VAC14: variants seen among roughly 807,000 people sequenced by gnomAD.
VAC14 encodes the protein VAC14 component of PIKFYVE complex.
In VAC14, 47 loss-of-function variants were observed where a neutral mutation model predicts 85.3. The ratio of observed to expected loss-of-function variants is 0.55; its 90% CI spans 0.44 to 0.70. VAC14 has a LOEUF of 0.70. VAC14 is among the 30% of genes least tolerant of loss of function. The pLI is 0.00. For synonymous variants in VAC14, 447 were observed against 430.5 expected, an observed-to-expected ratio of 1.04 and a Z score of -0.47; for missense variants, 861 against 1,004.3, an observed-to-expected ratio of 0.86 and a Z score of 1.93.
chr16:70,745,251 GC>G (rs1286721763), intron 12 of VAC14, among the ~76,000 whole-genome samples: 3 of 152,232 alleles, frequency 2.0e-5, no homozygotes, highest in East Asian at 3.9e-4. Flanking sequence ...CGAGACAGAG[GC>G]AGAGTGGGGC....
rs1380754185 is a variant in VAC14 at position 70,697,173 on chromosome 16, T to C, written c.1921A>G (p.Asn641Asp). The C allele has an allele frequency of 6.2e-7, 1 of 1,613,922 alleles. No individual in the cohort carries two copies. Among genetic ancestry groups the C allele is most frequent in the Non-Finnish European group, 8.5e-7 (1 of 1,179,928 alleles). The change falls in exon 16 of 19, where the codon AAC becomes GAC. Residue 641 changes from asparagine (N) to aspartate (D), a missense_variant. Asn to Asp is a conservative substitution (Grantham distance 23). Transcript: ENST00000261776. The stretch of plus-strand genomic sequence containing the variant: ...ATGAGGTCATAGGCGTGCCGGTAGT[T>C]CTGGGTGAGGAAGCAGAGGGACACC... ...TTVSLCFLTQ[N>D]YRHAYDLIQK... is the part of the protein sequence containing the mutation.
At position 70,784,776 on chromosome 16, in the gene VAC14, C is replaced by T; in HGVS notation, c.486G>A (p.Lys162=). The T allele has an allele frequency of 6.2e-7, 1 of 1,613,962 alleles. No individual in the cohort carries two copies. The highest frequency in any genetic ancestry group is 8.5e-7 in the Non-Finnish European group (1 of 1,179,968). ...AAAAGTGGGGACAAAGTACAAATAC[C>T]TTTAAAAGGCGGTCTAGGAGCTCAG... The part of the protein sequence containing the change: ...SGSELLDRLL[K]DIVTESNKFD... The change falls in exon 4 of 19, where the codon AAG becomes AAA. Residue 162 remains lysine, a splice_region_variant and synonymous_variant. Transcript: ENST00000261776.
At chr16:70,700,553 AAGCCATGTAAGGCTAGTGTGTGGAACT>A (rs1311993236) in intron 14 of VAC14, among the ~76,000 whole-genome samples, 3 of 152,314 alleles carry the variant, frequency 2.0e-5, no homozygotes, top group East Asian at 3.9e-4. Flanking sequence ...GACGAGGAAC[AAGCCATGTAAGGCTAGTGTGTGGAACT>A]AGCCATGTAA....
chr16:70,739,535 C>T lies in VAC14; in HGVS notation c.1528+4888G>A, dbSNP rs570208884. Reference sequence around the variant, plus strand: ...TGGCTGTGGAAGCTTCCAGTGCTGGCGCAGGTGGGATTCCTGAGTGGGGTG... The same window carrying T: ...TGGCTGTGGAAGCTTCCAGTGCTGGTGCAGGTGGGATTCCTGAGTGGGGTG... On this transcript the variant is annotated intron_variant, in intron 13 of 18. Coordinates refer to ENST00000261776, the MANE Select transcript of VAC14 (RefSeq NM_018052.5). Among the ~76,000 whole-genome samples, 15 of 152,302 alleles carry T rather than the reference C, an allele frequency of 9.8e-5. 1 individual carries two copies. The highest frequency in any genetic ancestry group is 2.4e-4 in the African/African-American group (10 of 41,554).
chr16:70,766,674 C>A (rs573553188), intron 10 of VAC14: 5 of 344,156 alleles, frequency 1.5e-5, no homozygotes, highest in Non-Finnish European at 2.9e-5. Flanking sequence ...AGACACTCTC[C>A]CTGGGCTTTT....
At chr16:70,731,244 T>C (rs2290614) in intron 14 of VAC14, 174,053 of 1,224,584 alleles carry the variant, frequency 0.14, 12,946 homozygotes, top group Non-Finnish European at 0.15. Flanking sequence ...CAGGGGAAGA[T>C]AGTAACTCAG....
At chr16:70,709,874 GA>G (rs2053994118) in intron 14 of VAC14, among the ~76,000 whole-genome samples, 1 of 152,212 alleles carries the variant, frequency 6.6e-6, no homozygotes, top group East Asian at 1.9e-4. Flanking sequence ...AATGGCCAGG[GA>G]AATGGCATCC....
intron 13 of VAC14, among the ~76,000 whole-genome samples, chr16:70,740,259 C>T (rs117704046): frequency 0.017 from 2,564 of 152,280 alleles, 32 homozygotes; most frequent in South Asian, 0.033. Flanking sequence ...ACGTGGCTTA[C>T]GACATGAACA....
intron 9 of VAC14, among the ~76,000 whole-genome samples, chr16:70,775,070 G>C (rs2033452253): frequency 6.6e-6 from 1 of 152,124 alleles, no homozygotes; most frequent in Admixed American, 6.6e-5. Context: ...GAAGTTTTCT[G>C]TAAGGAAGAG....
At chr16:70,766,906 T>G (rs2032859709) in intron 10 of VAC14, among the ~76,000 whole-genome samples, 1 of 152,140 alleles carries the variant, frequency 6.6e-6, no homozygotes, top group African/African-American at 2.4e-5. Flanking sequence ...GAGGGCACAC[T>G]GCATGATGTG....
intron 12 of VAC14, among the ~76,000 whole-genome samples, chr16:70,754,289 C>T (rs978671708): frequency 6.6e-6 from 1 of 152,154 alleles, no homozygotes; most frequent in African/African-American, 2.4e-5. Context: ...TCAGTGGGTA[C>T]AGTTCTGGGA....
intron 14 of VAC14, among the ~76,000 whole-genome samples, chr16:70,720,446 G>A (rs2054261515): frequency 6.6e-6 from 1 of 152,226 alleles, no homozygotes; most frequent in South Asian, 2.1e-4. Context: ...TGAAGCATGT[G>A]TTATGTGGTA....
chr16:70,784,789 T>A lies in VAC14; in HGVS notation c.473A>T (p.Asp158Val). ...AAGTACAAATACCTTTAAAAGGCGG[T>A]CTAGGAGCTCAGATCCGCTTTTCAC... ...PNVKSGSELL[D>V]RLLKDIVTES... Residue 158 changes from aspartate (D) to valine (V), a missense_variant, in exon 4 of 19, where the codon GAC becomes GTC. Around this residue, in one of 3 missense-constraint regions of VAC14, gnomAD observed 629 missense variants for 703.1 expected, o/e 0.89. Coordinates refer to ENST00000261776, the MANE Select transcript of VAC14 (RefSeq NM_018052.5). The A allele has an allele frequency of 6.2e-7, 1 of 1,613,998 alleles. No homozygotes were observed. Among genetic ancestry groups the A allele is most frequent in the Non-Finnish European group, 8.5e-7 (1 of 1,179,990 alleles).
chr16:70,751,295 T>C (rs552895877), intron 12 of VAC14, among the ~76,000 whole-genome samples: 4 of 152,316 alleles, frequency 2.6e-5, no homozygotes, highest in Admixed American at 2.0e-4. Flanking sequence ...GCTGCAAGAA[T>C]GTTTCCAACG....
chr16:70,742,470 T>C (rs1415177931), intron 13 of VAC14, among the ~76,000 whole-genome samples: 1 of 152,200 alleles, frequency 6.6e-6, no homozygotes. Flanking sequence ...TGTACTGACT[T>C]GGGGACACAG....
chr16:70,784,983 T>C, intron 3 of VAC14, 145 bp from the exon 4 acceptor site: 8 of 752,208 alleles, frequency 1.1e-5, no homozygotes, highest in Non-Finnish European at 2.4e-6. Context: ...GTGAACACAT[T>C]TGAGAAAGGC....
At position 70,687,977 on chromosome 16, in the gene VAC14, T is replaced by C. The variant is rs1424907655; in HGVS notation, c.2300A>G (p.His767Arg). The part of the protein sequence containing the change: ...KVQNKHLEVR[H>R]QRSGRGDHLD... ...GTGGTCCCCACGCCCGCTCCGCTGG[T>C]GCCGCACTTCCAGGTGCTTGTTCTG... Residue 767 changes from histidine to arginine, a missense_variant, in exon 19 of 19, where the codon CAC becomes CGC. Around this residue, in one of 3 missense-constraint regions of VAC14, gnomAD observed 163 missense variants for 162.2 expected, o/e 1.00. Transcript: ENST00000261776. 1.3e-6 allele frequency: 2 copies of C among 1,596,790 alleles called. No homozygotes were observed. Among genetic ancestry groups the C allele is most frequent in the Non-Finnish European group, 1.7e-6 (2 of 1,169,666 alleles).
chr16:70,707,668 A>G (rs1248016222), intron 14 of VAC14, among the ~76,000 whole-genome samples: 1 of 152,168 alleles, frequency 6.6e-6, no homozygotes, highest in Non-Finnish European at 1.5e-5. Flanking sequence ...TCTAGAGAGC[A>G]AGTTGACTCC....
chr16:70,780,983 G>C (rs374324834), intron 8 of VAC14, 44 bp from the exon 9 acceptor site: 16 of 1,609,536 alleles, frequency 9.9e-6, no homozygotes, highest in African/African-American at 2.7e-5. Flanking sequence ...TTGGATGCCT[G>C]TCTCTCTAAA....
Sources: gnomAD v4.1 joint callset for allele counts (sites outside exome capture counted in the v4.1 genomes callset) on GRCh38, gnomAD v4.1.1 for gene constraint, gnomAD v4.1.1 regional missense constraint, MANE v1.5 for transcripts, NCBI Gene and HGNC (gene_info 2026-07-23, HGNC 2026-07-21) for gene names.